Variants in ZDHHC19 observed in about 807,000 individuals in gnomAD.
The protein encoded by ZDHHC19 is palmitoyltransferase ZDHHC19.
Under a neutral mutation model 33.9 loss-of-function variants are expected in ZDHHC19, and 30 were observed. The observed-to-expected ratio is 0.88, with a 90% confidence interval of 0.66 to 1.20. The LOEUF (loss-of-function observed/expected upper bound fraction) is 1.20, where lower values mean the gene tolerates loss of function less well. Ranked by LOEUF, ZDHHC19 falls within the 50% of genes most tolerant of loss-of-function variation. The probability of loss-of-function intolerance (pLI) is 0.00; values close to 1 mark genes in which losing one functional copy is unlikely to be tolerated. For synonymous variants in ZDHHC19, 178 were observed against 167.6 expected (o/e 1.06, Z -0.48); for missense variants, 364 against 401.1 (o/e 0.91, Z 0.79).
At chr3:196,210,592 T>C (rs1327643990) in intron 2 of ZDHHC19, 24 bp downstream of exon 2, 1 of 1,613,712 alleles carries the variant, frequency 6.2e-7, no homozygotes, top group Non-Finnish European at 8.5e-7. Context: ...GACACCTCCT[T>C]TTCCCAGGGG....
chr3:196,201,796 GGCTCCT>G (rs1311627275), intron 5 of ZDHHC19, among the ~76,000 whole-genome samples: 1 of 152,038 alleles, frequency 6.6e-6, no homozygotes, highest in Non-Finnish European at 1.5e-5. Context: ...CCAGACCTGG[GGCTCCT>G]GCTCCGATTC....
At chr3:196,210,289 G>GAAAGAAAGAAA (rs1723137630) in intron 2 of ZDHHC19, among the ~76,000 whole-genome samples, 1 of 46,384 alleles carries the variant, frequency 2.2e-5, no homozygotes, top group African/African-American at 6.4e-5. Context: ...AAAGAAAGAA[G>GAAAGAAAGAAA]GAAGGAAGGA....
chr3:196,201,309 G>A (rs1368286617), intron 5 of ZDHHC19, among the ~76,000 whole-genome samples: 4 of 151,298 alleles, frequency 2.6e-5, no homozygotes, highest in Admixed American at 1.3e-4. Flanking sequence ...CTCATGATCC[G>A]CCCACCTCGG....
chr3:196,210,455 G>GAAAAGAAAAGAA lies in ZDHHC19; in HGVS notation c.268+160_268+161insTTCTTTTCTTTT, dbSNP rs61351386. 2.4e-3 allele frequency among the ~76,000 whole-genome samples: 343 copies of GAAAAGAAAAGAA among 144,130 alleles called. 14 individuals carry two copies. The highest frequency in any genetic ancestry group is 8.4e-3 in the African/African-American group (325 of 38,504). 94.6% of individuals were successfully genotyped at this position (144,130 alleles called of 152,430 possible). On this transcript the variant is annotated intron_variant, in intron 2 of 7. Coordinates refer to ENST00000296326, the MANE Select transcript of ZDHHC19 (RefSeq NM_001039617.2). ...GAAAGAGAAAGAAAGAAAGAAAAGA[G>GAAAAGAAAAGAA]AAGAGAAGAAAGAGTGAGCGAGGGC...
chr3:196,210,185 T>C, intron 2 of ZDHHC19, among the ~76,000 whole-genome samples: 1 of 113,138 alleles, frequency 8.8e-6, no homozygotes, highest in African/African-American at 3.2e-5. Context: ...AGCGAGACTC[T>C]GTCTCAACAA....
rs1722002777 is a variant in ZDHHC19, at chr3:196,198,727, G to A, written c.773+62C>T. The stretch of plus-strand genomic sequence containing the variant: ...CCTGGGGCTGTGGTAAGGAGCCAGG[G>A]TGAACCCACCTCTGCCCCACCCCCA... On this transcript the variant is annotated intron_variant, in intron 6 of 7. Coordinates refer to ENST00000296326, the MANE Select transcript of ZDHHC19 (RefSeq NM_001039617.2). 3.7e-6 allele frequency: 6 copies of A among 1,608,518 alleles called. No individual in the cohort carries two copies. In the Admixed American group the frequency reaches 8.3e-5, roughly 22 times the overall value.
intron 4 of ZDHHC19, 149 bp downstream of exon 4, chr3:196,208,239 C>CCT: frequency 1.7e-6 from 1 of 602,278 alleles, no homozygotes; most frequent in Non-Finnish European, 2.6e-6. Context: ...TAGCCCCGCC[C>CCT]ATCCCCCGAC....
chr3:196,211,125 G>A (rs768454649), intron 1 of ZDHHC19, 45 bp downstream of exon 1: 66 of 1,613,500 alleles, frequency 4.1e-5, no homozygotes, highest in South Asian at 3.5e-4. Flanking sequence ...TGTTTCCCTG[G>A]CTGTCTCTTT....
intron 3 of ZDHHC19, chr3:196,208,877 C>T: frequency 2.7e-6 from 1 of 369,362 alleles, no homozygotes. Context: ...TCCACTTTCT[C>T]ATCCATTCGA....
rs78522581 is a variant in ZDHHC19, at chr3:196,203,677, C to G, written c.687+3721G>C. Among the ~76,000 whole-genome samples, 1 of 152,138 alleles carries G rather than the reference C, an allele frequency of 6.6e-6. No homozygotes were observed. Among genetic ancestry groups the G allele is most frequent in the East Asian group, 1.9e-4 (1 of 5,202 alleles). On this transcript the variant is annotated intron_variant, in intron 5 of 7. Coordinates refer to ENST00000296326, the MANE Select transcript of ZDHHC19 (RefSeq NM_001039617.2). This position sits in a 1 kb window ranked among gnomAD's most constrained non-coding sequence, Gnocchi z 4.3. The stretch of plus-strand genomic sequence containing the variant: ...TGGATCAGGAGGGCAGCATTCTGGG[C>G]AGGGGAGGGAGGGCAGGAAGAACCA...
rs186484422 is a variant in ZDHHC19, at chr3:196,209,554, G to T, written c.269-39C>A. 2.4e-4 allele frequency: 382 copies of T among 1,602,722 alleles called. 1 individual carries two copies. The African/African-American group carries it at 4.2e-3, about 18-fold the overall frequency. On this transcript the variant is annotated intron_variant, in intron 2 of 7. Coordinates refer to ENST00000296326, the MANE Select transcript of ZDHHC19 (RefSeq NM_001039617.2). ...AGGATTGGGCACAGCAGAAGGCCCT[G>T]CGGTCACCCCGCGGCGGGGGCAGCT...
In ZDHHC19 at chr3:196,201,493, C is replaced by T. The variant is rs190391294; in HGVS notation, c.688-2619G>A. Among the ~76,000 whole-genome samples the T allele has an allele frequency of 1.7e-3, 258 of 150,420 alleles. 7 individuals are homozygous for T. Among genetic ancestry groups the T allele is most frequent in the African/African-American group, 5.8e-3 (239 of 41,016 alleles). On this transcript the variant is annotated intron_variant, in intron 5 of 7. Coordinates refer to ENST00000296326, the MANE Select transcript of ZDHHC19 (RefSeq NM_001039617.2). ...ATCCCAGCACTTTGGAAGGCCAAGG[C>T]GGGTGGATCACTTGAGGCCAGGAGT...
intron 5 of ZDHHC19, among the ~76,000 whole-genome samples, chr3:196,202,609 G>A (rs1722444810): frequency 6.6e-6 from 1 of 152,350 alleles, no homozygotes; most frequent in East Asian, 1.9e-4. Context: ...CCAGGCACAC[G>A]CAGAGGAGCC....
Position 196,211,168 on chromosome 3 carries a change from AC to A in ZDHHC19, c.146+1del. 6.2e-7 allele frequency: 1 copy of A among 1,614,058 alleles called. No homozygotes were observed. The highest frequency in any genetic ancestry group is 1.3e-5 in the African/African-American group (1 of 75,000). On this transcript the variant is annotated splice_donor_variant, in intron 1 of 7. Transcript: ENST00000296326. LOFTEE classifies it high-confidence loss of function. ...ACCTAACGGCTTGCCTGGAAAACTC[AC>A]GGGAATGCGAAGAAGAGGCCACTGA...
chr3:196,207,254 G>A (rs1722809282), intron 5 of ZDHHC19, 144 bp downstream of exon 5: 1 of 641,698 alleles, frequency 1.6e-6, no homozygotes, highest in East Asian at 3.1e-5. Flanking sequence ...CGAGATTGGA[G>A]CCTCTTAAGA....
chr3:196,204,006 T>C (rs1320335689), intron 5 of ZDHHC19, among the ~76,000 whole-genome samples: 1 of 152,150 alleles, frequency 6.6e-6, no homozygotes, highest in Non-Finnish European at 1.5e-5. Flanking sequence ...ATGGCGCGGA[T>C]GTCCACCCTC....
At chr3:196,200,503 C>CT (rs1560130848) in intron 5 of ZDHHC19, among the ~76,000 whole-genome samples, 2 of 149,760 alleles carry the variant, frequency 1.3e-5, no homozygotes, top group African/African-American at 2.5e-5. Context: ...TACAGGTGCT[C>CT]GCCACCACGC....
Position 196,211,213 on chromosome 3 carries a change from C to T in ZDHHC19, c.103G>A (p.Val35Met), listed in dbSNP as rs1042189562. Residue 35 changes from valine (V) to methionine (M), a missense_variant, in exon 1 of 8, where the codon GTG (valine) becomes ATG (methionine). By Grantham distance (21) the Val-to-Met change is conservative (BLOSUM62 1). Coordinates refer to ENST00000296326, the MANE Select transcript of ZDHHC19 (RefSeq NM_001039617.2). The stretch of plus-strand genomic sequence containing the variant: ...CCACTGAAAAAGACCAGCAGCACCA[C>T]ATTGAAGGCAGCAAAGAGGCTAGGG... The part of the protein sequence containing the change: ...FLPSLFAAFN[V>M]VLLVFFSGLF... 5 of 1,614,202 alleles carry T rather than the reference C, an allele frequency of 3.1e-6. No homozygotes were observed. The highest frequency in any genetic ancestry group is 4.2e-6 in the Non-Finnish European group (5 of 1,180,032).
At chr3:196,198,971 G>C in intron 5 of ZDHHC19, 97 bp from the exon 6 acceptor site, 1 of 1,281,052 alleles carries the variant, frequency 7.8e-7, no homozygotes, top group Admixed American at 1.7e-5. Context: ...GCTAGCCAGG[G>C]CTCAGCCCAG....
Sources: gnomAD v4.1 joint callset for allele counts (sites outside exome capture counted in the v4.1 genomes callset) on GRCh38, gnomAD v4.1.1 for gene constraint, Gnocchi (gnomAD v3.1) non-coding constraint, MANE v1.5 for transcripts, NCBI Gene and HGNC (gene_info 2026-07-23, HGNC 2026-07-21) for gene names.